FARP1: variants seen among roughly 807,000 people sequenced by gnomAD.
FARP1 encodes FERM, ARH/RhoGEF and pleckstrin domain protein 1.
In FARP1, 52 loss-of-function variants were observed where a neutral mutation model predicts 128.8. The ratio of observed to expected loss-of-function variants is 0.40; its 90% confidence interval spans 0.32 to 0.51. FARP1 has a LOEUF of 0.51. FARP1 is among the 20% of genes least tolerant of loss of function. The pLI, the probability that FARP1 is intolerant of heterozygous loss-of-function variation, is 0.45. For missense variants in FARP1, 1,333 were observed against 1,367.9 expected (o/e 0.97, Z 0.40); for synonymous variants, 580 against 551.8 (o/e 1.05, Z -0.72).
rs756082246 is a variant in FARP1, at chr13:98,192,482, C to T, written c.-23-20738C>T. Among the ~76,000 whole-genome samples the T allele has an allele frequency of 1.4e-3, 215 of 152,058 alleles. 1 individual carries two copies. The highest frequency in any genetic ancestry group is 2.6e-3 in the Admixed American group (39 of 15,246). ...TCAGCTCACTGCAACCTCTGCCTCT[C>T]AGGTTCAAGGGATTCTCCTGCCTCA... On this transcript the variant is annotated intron_variant, in intron 1 of 26. Coordinates refer to ENST00000319562, the MANE Select transcript of FARP1 (RefSeq NM_005766.4).
chr13:98,261,892 G>A (rs940661810), intron 2 of FARP1, among the ~76,000 whole-genome samples: 1 of 152,052 alleles, frequency 6.6e-6, no homozygotes, highest in Admixed American at 6.6e-5. Context: ...CCTCTCACTA[G>A]GCTCCGTCTC....
intron 4 of FARP1, among the ~76,000 whole-genome samples, chr13:98,366,315 T>C (rs182355277): frequency 1.7e-4 from 26 of 152,332 alleles, no homozygotes; most frequent in Non-Finnish European, 1.8e-4. Context: ...CAATTGAAAT[T>C]GATGTTGATC....
intron 2 of FARP1, among the ~76,000 whole-genome samples, chr13:98,258,486 A>G (rs780408992): frequency 2.6e-5 from 4 of 152,170 alleles, no homozygotes; most frequent in Non-Finnish European, 5.9e-5. Flanking sequence ...GTGACCTTGA[A>G]TAGGTATTGT....
intron 3 of FARP1, among the ~76,000 whole-genome samples, chr13:98,363,312 G>C (rs1462993221): frequency 6.6e-6 from 1 of 152,126 alleles, no homozygotes; most frequent in Non-Finnish European, 1.5e-5. Context: ...TTAGCACAGG[G>C]TCATTTTCAG....
intron 2 of FARP1, among the ~76,000 whole-genome samples, chr13:98,256,670 G>T (rs999863119): frequency 1.3e-5 from 2 of 150,472 alleles, no homozygotes; most frequent in Non-Finnish European, 3.0e-5. Flanking sequence ...AGTGATTCTT[G>T]TGCTTTGGCC....
intron 5 of FARP1, among the ~76,000 whole-genome samples, chr13:98,373,581 C>CACACACACAG (rs1341717941): frequency 1.4e-5 from 2 of 145,260 alleles, no homozygotes; most frequent in East Asian, 4.1e-4. Context: ...CACACACACA[C>CACACACACAG]AGAAAGGGGG....
chr13:98,411,391 G>A (rs2389314), intron 15 of FARP1, among the ~76,000 whole-genome samples: 9,796 of 152,220 alleles, frequency 0.064, 702 homozygotes, highest in East Asian at 0.3. Flanking sequence ...TGTGGATTGT[G>A]TTAGGCCCTT....
chr13:98,372,149 C>T (rs990571049), intron 5 of FARP1, among the ~76,000 whole-genome samples: 2 of 143,340 alleles, frequency 1.4e-5, no homozygotes, highest in African/African-American at 2.6e-5. Context: ...TGCAATGGCA[C>T]GATCTTGGCT....
chr13:98,155,261 G>A (rs1259441489), intron 1 of FARP1, among the ~76,000 whole-genome samples: 1 of 150,304 alleles, frequency 6.7e-6, no homozygotes, highest in Admixed American at 6.7e-5. Flanking sequence ...CAGGAGAATG[G>A]CTTGAACCGG....
intron 5 of FARP1, among the ~76,000 whole-genome samples, chr13:98,369,854 C>A (rs1007640628): frequency 6.6e-5 from 10 of 152,190 alleles, no homozygotes; most frequent in Non-Finnish European, 1.2e-4. Context: ...TCATATCCTT[C>A]CTCATCCCTC....
At chr13:98,406,672 G>A (rs772601992) in intron 13 of FARP1, 6 of 152,298 alleles carry the variant, frequency 3.9e-5, no homozygotes, top group Non-Finnish European at 7.3e-5. Context: ...CTGTTCCTTC[G>A]TTTAGGTACA....
chr13:98,420,476 G>A (rs1338246404), intron 16 of FARP1, among the ~76,000 whole-genome samples: 2 of 152,182 alleles, frequency 1.3e-5, no homozygotes, highest in Admixed American at 6.5e-5. Context: ...TGTGGTGAAC[G>A]AAGTTTTGAT....
At chr13:98,432,885 G>GGCAGGTACCTGGGCAC (rs1413425381) in intron 18 of FARP1, 1 of 65,986 alleles carries the variant, frequency 1.5e-5, no homozygotes, top group Admixed American at 1.8e-4. Context: ...TACCTGGGCA[G>GGCAGGTACCTGGGCAC]TGGCAACCCT....
intron 2 of FARP1, among the ~76,000 whole-genome samples, chr13:98,321,330 G>A (rs1398339406): frequency 6.6e-6 from 1 of 152,190 alleles, no homozygotes; most frequent in Non-Finnish European, 1.5e-5. Flanking sequence ...CTTGTTGAAA[G>A]TCTTGAGTCC....
chr13:98,307,317 A>G (rs1886210100), intron 2 of FARP1, among the ~76,000 whole-genome samples: 1 of 152,180 alleles, frequency 6.6e-6, no homozygotes, highest in African/African-American at 2.4e-5. Context: ...GTTGAATTCT[A>G]ATACCTCACA....
At chr13:98,149,989 G>A (rs1875871118) in intron 1 of FARP1, among the ~76,000 whole-genome samples, 1 of 151,504 alleles carries the variant, frequency 6.6e-6, no homozygotes, top group Non-Finnish European at 1.5e-5. Context: ...CGCCTGCCTA[G>A]GCCTCCCAAA....
intron 2 of FARP1, among the ~76,000 whole-genome samples, chr13:98,312,361 A>G (rs1352651146): frequency 1.3e-5 from 2 of 151,728 alleles, no homozygotes; most frequent in Non-Finnish European, 2.9e-5. Flanking sequence ...GGATGGTCTC[A>G]ATCTCCTGAC....
At chr13:98,384,919 C>T in intron 7 of FARP1, 75 bp downstream of exon 7, 1 of 830,368 alleles carries the variant, frequency 1.2e-6, no homozygotes, top group Non-Finnish European at 2.1e-6. Flanking sequence ...GTGTACATCC[C>T]TCCACCCCCC....
intron 5 of FARP1, among the ~76,000 whole-genome samples, chr13:98,373,492 T>C (rs1429794347): frequency 2.6e-5 from 4 of 151,284 alleles, no homozygotes; most frequent in African/African-American, 9.7e-5. Context: ...TTTTATATTC[T>C]CTGCTTTTCT....
Sources: gnomAD v4.1 joint callset for allele counts (sites outside exome capture counted in the v4.1 genomes callset) on GRCh38, gnomAD v4.1.1 for gene constraint, MANE v1.5 for transcripts, NCBI Gene and HGNC (gene_info 2026-07-23, HGNC 2026-07-21) for gene names.